The following CTH variants were observed in gnomAD, a reference collection of about 807,000 sequenced individuals.
CTH encodes cystathionase (cystathionine gamma-lyase).
Under a neutral mutation model 50.6 loss-of-function variants are expected in CTH, and 41 were observed. The ratio of observed to expected loss-of-function variants is 0.81; its 90% confidence interval spans 0.63 to 1.05. The LOEUF is 1.05. Ranked by LOEUF, CTH falls within the 50% of genes least tolerant of loss-of-function variation. The pLI, the probability that CTH is intolerant of heterozygous loss-of-function variation, is 0.00. For missense variants in CTH, 470 were observed against 492.6 expected (o/e 0.95, Z 0.43); for synonymous variants, 156 against 168.9 (o/e 0.92, Z 0.59).
At chr1:70,425,074 A>T (rs914045457) in intron 5 of CTH, among the ~76,000 whole-genome samples, 6 of 152,180 alleles carry the variant, frequency 3.9e-5, no homozygotes, top group Non-Finnish European at 5.9e-5. Context: ...TTTTTCAGTC[A>T]CCTTGAATAT....
chr1:70,421,635 A>G lies in CTH; in HGVS notation c.416A>G (p.Lys139Arg), dbSNP rs988346706. 6.2e-7 allele frequency: 1 copy of G among 1,613,988 alleles called. No individual in the cohort carries two copies. The highest frequency in any genetic ancestry group is 8.5e-7 in the Non-Finnish European group (1 of 1,179,924). The part of the protein sequence containing the change: ...GLKISFVDCS[K>R]IKLLEAAITP... ...AAGATTTCTTTTGTTGATTGTTCCA[A>G]AATCAAATTACTAGAGGCAGCAATT... The change falls in exon 4 of 12, where the codon AAA (lysine) becomes AGA (arginine). Residue 139 changes from lysine (K) to arginine (R), a missense_variant. Physicochemically the swap from Lys to Arg is conservative, Grantham distance 26. Coordinates refer to ENST00000370938, the MANE Select transcript of CTH (RefSeq NM_001902.6).
intron 5 of CTH, among the ~76,000 whole-genome samples, chr1:70,424,783 G>T (rs1389636881): frequency 2.0e-5 from 3 of 152,150 alleles, no homozygotes; most frequent in Non-Finnish European, 4.4e-5. Context: ...CAAAAAATTA[G>T]CTGGGCGCAG....
intron 1 of CTH, among the ~76,000 whole-genome samples, chr1:70,412,221 C>T (rs1285605924): frequency 6.6e-6 from 1 of 152,196 alleles, no homozygotes; most frequent in Non-Finnish European, 1.5e-5. Context: ...GAACCAACTC[C>T]TAGGCACTCA....
At chr1:70,420,194 G>T (rs979758655) in intron 3 of CTH, among the ~76,000 whole-genome samples, 1 of 152,048 alleles carries the variant, frequency 6.6e-6, no homozygotes, top group Admixed American at 6.6e-5. Context: ...GTTTCTCCTT[G>T]TTGGTCAGGC....
intron 8 of CTH, among the ~76,000 whole-genome samples, chr1:70,432,543 C>T (rs1261334201): frequency 1.3e-5 from 2 of 152,144 alleles, no homozygotes; most frequent in Non-Finnish European, 1.5e-5. Context: ...AAGATTTTAA[C>T]ATTAGACTTT....
chr1:70,421,418 A>G, intron 3 of CTH, 148 bp from the exon 4 acceptor site: 1 of 806,614 alleles, frequency 1.2e-6, no homozygotes, highest in East Asian at 2.7e-5. Flanking sequence ...AGATAGCCAA[A>G]CTATTTAACC....
chr1:70,433,278 T>C (rs1684520588), intron 8 of CTH, among the ~76,000 whole-genome samples: 1 of 152,176 alleles, frequency 6.6e-6, no homozygotes, highest in Non-Finnish European at 1.5e-5. Flanking sequence ...AAAGGTACTT[T>C]AGGTAAAGAG....
Position 70,427,211 on chromosome 1 carries a change from G to A in CTH, c.589-2583G>A, listed in dbSNP as rs148442562. Among the ~76,000 whole-genome samples, 138 of 152,132 alleles carry A rather than the reference G, an allele frequency of 9.1e-4. 1 individual carries two copies. Among genetic ancestry groups the A allele is most frequent in the African/African-American group, 3.2e-3 (132 of 41,476 alleles). On this transcript the variant is annotated intron_variant, in intron 5 of 11. Coordinates refer to ENST00000370938, the MANE Select transcript of CTH (RefSeq NM_001902.6). ...CCTCTGGATCTTCTGTAAGTCTCACGAAAGGCAAAATAGACCTACCATCAT... is the reference window on the plus strand; with the variant it reads ...CCTCTGGATCTTCTGTAAGTCTCACAAAAGGCAAAATAGACCTACCATCAT...
At chr1:70,437,111 T>C (rs1317505478) in intron 10 of CTH, among the ~76,000 whole-genome samples, 3 of 152,172 alleles carry the variant, frequency 2.0e-5, no homozygotes, top group Admixed American at 2.0e-4. Context: ...CACATGTAAC[T>C]CTGTGACCTT....
intron 5 of CTH, 141 bp downstream of exon 5, chr1:70,424,557 A>C: frequency 7.1e-7 from 1 of 1,398,678 alleles, no homozygotes; most frequent in Non-Finnish European, 9.8e-7. Context: ...ATCGAGAATT[A>C]AATTTGGACC....
intron 1 of CTH, 143 bp downstream of exon 1, chr1:70,411,726 G>A: frequency 7.0e-7 from 1 of 1,423,452 alleles, no homozygotes. Context: ...TGTAATTCTT[G>A]CAGCACAGCT....
chr1:70,419,351 G>T (rs1410468720), intron 3 of CTH, among the ~76,000 whole-genome samples: 2 of 152,106 alleles, frequency 1.3e-5, no homozygotes, highest in East Asian at 3.9e-4. Context: ...TAATGGGATG[G>T]CTGGGTCAAA....
intron 1 of CTH, among the ~76,000 whole-genome samples, chr1:70,413,278 T>A (rs576767411): frequency 2.4e-4 from 37 of 151,502 alleles, no homozygotes; most frequent in African/African-American, 7.0e-4. Context: ...TTTTTTTTAT[T>A]TTTCAGAGAG....
chr1:70,426,856 G>A (rs1051515064), intron 5 of CTH, among the ~76,000 whole-genome samples: 10 of 152,132 alleles, frequency 6.6e-5, no homozygotes. Context: ...GACACAGTGA[G>A]TCCTGTATAT....
chr1:70,438,826 A>T lies in CTH; in HGVS notation c.1191A>T (p.Ala397=), dbSNP rs1402749254. 5.0e-6 allele frequency: 8 copies of T among 1,597,572 alleles called. No individual in the cohort carries two copies. The South Asian group carries it at 8.9e-5, about 18-fold the overall frequency. Reference sequence around the variant, plus strand: ...ATCTAGATCAAGCTTTGAAGGCAGCAGTAAGTCTTATTATTGTGTGTGTGT... The same window carrying T: ...ATCTAGATCAAGCTTTGAAGGCAGCTGTAAGTCTTATTATTGTGTGTGTGT... ...LEDLDQALKA[A]HPPSGSHS The change falls in exon 11 of 12, where the codon GCA becomes GCT. Residue 397 remains alanine, a splice_region_variant and synonymous_variant. Transcript: ENST00000370938.
chr1:70,434,557 A>C (rs969125309), intron 9 of CTH, among the ~76,000 whole-genome samples: 1 of 152,104 alleles, frequency 6.6e-6, no homozygotes, highest in Non-Finnish European at 1.5e-5. Context: ...AAACATTTGT[A>C]AAGTTTTATG....
chr1:70,414,888 C>T (rs984122964), intron 1 of CTH, among the ~76,000 whole-genome samples: 2 of 152,010 alleles, frequency 1.3e-5, no homozygotes. Context: ...GGCACTATCT[C>T]GGCTCACTGC....
intron 2 of CTH, among the ~76,000 whole-genome samples, chr1:70,417,553 G>C (rs1035766217): frequency 6.6e-6 from 1 of 152,110 alleles, no homozygotes; most frequent in African/African-American, 2.4e-5. Flanking sequence ...CCAAAGTGCT[G>C]GGATTATAGG....
At chr1:70,414,294 A>C (rs918230293) in intron 1 of CTH, among the ~76,000 whole-genome samples, 1 of 151,754 alleles carries the variant, frequency 6.6e-6, no homozygotes, top group Non-Finnish European at 1.5e-5. Flanking sequence ...CGGGTGGGTC[A>C]TGAGGTCAGG....
Sources: allele counts gnomAD v4.1 joint callset (sites outside exome capture counted in the v4.1 genomes callset), GRCh38; gene constraint gnomAD v4.1.1; transcripts MANE v1.5; gene names NCBI Gene and HGNC (gene_info 2026-07-23, HGNC 2026-07-21).